PLCB1: variants seen among roughly 807,000 people sequenced by gnomAD.
PLCB1 encodes the protein phospholipase C beta 1.
In PLCB1, 46 loss-of-function variants were observed where a neutral mutation model predicts 161.8. The ratio of observed to expected loss-of-function variants is 0.28; its 90% CI spans 0.22 to 0.36. The LOEUF (loss-of-function observed/expected upper bound fraction) is 0.36, where lower values mean the gene tolerates loss of function less well. PLCB1 is among the 10% of genes least tolerant of loss of function. The pLI is 1.00. For synonymous variants in PLCB1, 517 were observed against 503.7 expected, an observed-to-expected ratio of 1.03 and a Z score of -0.35; for missense variants, 1,016 against 1,472.5, an observed-to-expected ratio of 0.69 and a Z score of 5.07.
intron 2 of PLCB1, among the ~76,000 whole-genome samples, chr20:8,206,936 A>G (rs1978564367): frequency 6.6e-6 from 1 of 152,146 alleles, no homozygotes; most frequent in Non-Finnish European, 1.5e-5. Flanking sequence ...TTTAAAATGC[A>G]ACAATATGGA....
rs73600204 is a variant in PLCB1, at chr20:8,780,937, C to T, written c.3111+6218C>T. ...TTTTTAATGAAAGCCTTTTTCTGTA[C>T]AATACCTGAATTGACTAGGAAATCT... On this transcript the variant is annotated intron_variant, in intron 27 of 31. Coordinates refer to ENST00000338037, the MANE Select transcript of PLCB1 (RefSeq NM_015192.4). 1.2e-4 allele frequency among the ~76,000 whole-genome samples: 19 copies of T among 152,330 alleles called. No individual in the cohort carries two copies. In the East Asian group the frequency reaches 3.7e-3, roughly 29 times the overall value.
Position 8,729,044 on chromosome 20 carries a change from G to C in PLCB1, c.1764-6G>C, listed in dbSNP as rs753832760. 1.2e-4 allele frequency: 188 copies of C among 1,598,324 alleles called. No individual in the cohort carries two copies. The highest frequency in any genetic ancestry group is 1.6e-4 in the Non-Finnish European group (185 of 1,170,432). ...ATTGTATTCACTACTTAACATGATGGTCCAGATATAACAAAATGCAGCTTA... is the reference window on the plus strand; with the variant it reads ...ATTGTATTCACTACTTAACATGATGCTCCAGATATAACAAAATGCAGCTTA... On this transcript the variant is annotated splice_polypyrimidine_tract_variant and splice_region_variant and intron_variant, in intron 17 of 31. Transcript: ENST00000338037.
intron 9 of PLCB1, among the ~76,000 whole-genome samples, chr20:8,665,533 GA>G (rs1600236324): frequency 1.3e-5 from 2 of 151,988 alleles, no homozygotes; most frequent in African/African-American, 4.8e-5. Flanking sequence ...AATGAAACTT[GA>G]AAAAAATATG....
At chr20:8,750,883 T>A (rs775082629) in intron 23 of PLCB1, 3 of 1,353,884 alleles carry the variant, frequency 2.2e-6, no homozygotes, top group Non-Finnish European at 3.0e-6. Context: ...CTTACCCATG[T>A]GGTGCCCATC....
chr20:8,403,820 G>C (rs1221942988), intron 3 of PLCB1, among the ~76,000 whole-genome samples: 1 of 152,096 alleles, frequency 6.6e-6, no homozygotes, highest in Non-Finnish European at 1.5e-5. Context: ...ATCTAGAATA[G>C]GTGCACCCAT....
At chr20:8,783,679 C>T (rs1479824469) in intron 27 of PLCB1, among the ~76,000 whole-genome samples, 1 of 152,226 alleles carries the variant, frequency 6.6e-6, no homozygotes, top group Non-Finnish European at 1.5e-5. Context: ...GCTGTCCAAA[C>T]TCTGCCCCTG....
At chr20:8,708,595 T>C (rs1978821811) in intron 11 of PLCB1, 75 bp from the exon 12 acceptor site, 1 of 861,260 alleles carries the variant, frequency 1.2e-6, no homozygotes, top group Non-Finnish European at 1.9e-6. Context: ...ACTATATTAA[T>C]AGATTTAATA....
intron 2 of PLCB1, chr20:8,249,784 A>AT (rs1353150184): frequency 1.3e-5 from 2 of 151,990 alleles, no homozygotes; most frequent in Non-Finnish European, 2.9e-5. Flanking sequence ...AGTGAGCCCC[A>AT]TAAGCAGAAG....
chr20:8,556,876 C>A (rs1392346933), intron 3 of PLCB1, among the ~76,000 whole-genome samples: 2 of 151,418 alleles, frequency 1.3e-5, no homozygotes, highest in East Asian at 3.9e-4. Flanking sequence ...GAAATAAACA[C>A]ATGAAAAGAT....
intron 2 of PLCB1, among the ~76,000 whole-genome samples, chr20:8,197,342 A>G (rs2052035829): frequency 6.6e-6 from 1 of 152,034 alleles, no homozygotes; most frequent in African/African-American, 2.4e-5. Flanking sequence ...TGACTTTTTA[A>G]TGATTGCCAT....
chr20:8,265,777 C>T lies in PLCB1; in HGVS notation c.178-105605C>T, dbSNP rs1981925424. 2.0e-5 allele frequency among the ~76,000 whole-genome samples: 3 copies of T among 152,090 alleles called. No homozygotes were observed. The South Asian group carries it at 6.2e-4, about 32-fold the overall frequency. Reference sequence around the variant, plus strand: ...CTTTAACCTAGCAACAGTTACTTAACAATAAAAGCAGGTGCCAACACAGCA... The same window carrying T: ...CTTTAACCTAGCAACAGTTACTTAATAATAAAAGCAGGTGCCAACACAGCA... On this transcript the variant is annotated intron_variant, in intron 2 of 31. Transcript: ENST00000338037.
intron 2 of PLCB1, among the ~76,000 whole-genome samples, chr20:8,250,001 G>T (rs190043650): frequency 1.2e-4 from 19 of 152,030 alleles, no homozygotes; most frequent in African/African-American, 4.6e-4. Flanking sequence ...TACTGTCATT[G>T]TTTTAGGTGC....
intron 3 of PLCB1, among the ~76,000 whole-genome samples, chr20:8,511,245 C>T (rs1983877833): frequency 6.6e-6 from 1 of 152,122 alleles, no homozygotes; most frequent in Non-Finnish European, 1.5e-5. Context: ...CTCTACCTGG[C>T]TCATTTCACT....
Position 8,765,156 on chromosome 20 carries a change from A to G in PLCB1, c.2728A>G (p.Ile910Val), listed in dbSNP as rs147055196. 6.2e-7 allele frequency: 1 copy of G among 1,613,582 alleles called. No homozygotes were observed. Among genetic ancestry groups the G allele is most frequent in the Non-Finnish European group, 8.5e-7 (1 of 1,179,834 alleles). The change falls in exon 26 of 32, where the codon ATC (isoleucine) becomes GTC (valine). Residue 910 changes from isoleucine to valine, a missense_variant. By Grantham distance (29) the Ile-to-Val change is conservative. Coordinates refer to ENST00000338037, the MANE Select transcript of PLCB1 (RefSeq NM_015192.4). ...SVLTEVEAQT[I>V]EELKQQKSFV... is the part of the protein sequence containing the mutation. ...TGTTGCAGAAGTGGAAGCACAGACC[A>G]TCGAAGAACTAAAGCAACAGAAATC...
chr20:8,213,818 A>G (rs777432709), intron 2 of PLCB1, among the ~76,000 whole-genome samples: 12 of 151,902 alleles, frequency 7.9e-5, no homozygotes, highest in Admixed American at 1.3e-4. Flanking sequence ...ATGACTTGTA[A>G]GCAGATTGTA....
chr20:8,870,316 C>T (rs1403204572), intron 31 of PLCB1, among the ~76,000 whole-genome samples: 1 of 152,200 alleles, frequency 6.6e-6, no homozygotes, highest in Non-Finnish European at 1.5e-5. Context: ...AAGTCATTTT[C>T]TGAGACGTCA....
In PLCB1 at chr20:8,371,390, G is replaced by A. The variant is rs770172716; in HGVS notation, c.186G>A (p.Glu62=). ...FYWTDQNKET[E]LLDLSLVKDA... ...ACGTTTTTGCCTTCCAGGAGACAGA[G>A]CTACTGGATCTCAGCCTTGTCAAAG... Residue 62 remains glutamate, a synonymous_variant, in exon 3 of 32, where the codon GAG becomes GAA. Transcript: ENST00000338037. 37 of 1,612,472 alleles carry A rather than the reference G, an allele frequency of 2.3e-5. No homozygotes were observed. Among genetic ancestry groups the A allele is most frequent in the Non-Finnish European group, 3.0e-5 (35 of 1,178,874 alleles).
At chr20:8,715,277 A>G (rs928711569) in intron 12 of PLCB1, among the ~76,000 whole-genome samples, 1 of 152,250 alleles carries the variant, frequency 6.6e-6, no homozygotes, top group Admixed American at 6.5e-5. Context: ...AAGCAGTAGC[A>G]TTGAAACAAT....
intron 7 of PLCB1, chr20:8,652,662 T>C (rs138100843): frequency 5.9e-4 from 90 of 152,268 alleles, no homozygotes; most frequent in African/African-American, 2.0e-3. Context: ...CTAGATTTAA[T>C]TGTGCTCTGT....
Sources: gnomAD v4.1 joint callset for allele counts (sites outside exome capture counted in the v4.1 genomes callset) on GRCh38, gnomAD v4.1.1 for gene constraint, MANE v1.5 for transcripts, NCBI Gene and HGNC (gene_info 2026-07-23, HGNC 2026-07-21) for gene names.